Variants in LSM6 observed in about 807,000 individuals in gnomAD.
LSM6 encodes the protein LSM6 homolog, U6 small nuclear RNA and mRNA degradation associated, also known as U6 snRNA-associated Sm-like protein LSm6.
Under a neutral mutation model 13.5 loss-of-function variants are expected in LSM6, and 2 were observed. The ratio of observed to expected loss-of-function variants is 0.15; its 90% CI spans 0.06 to 0.47. LSM6 has a LOEUF of 0.47. LSM6 is among the 20% of genes least tolerant of loss of function. LSM6 has a pLI of 0.97. For synonymous variants in LSM6, 43 were observed against 34.9 expected (o/e 1.23, Z -0.82); for missense variants, 58 against 96.4 (o/e 0.60, Z 1.67).
chr4:146,177,759 AC>A (rs1730142908), intron 1 of LSM6, among the ~76,000 whole-genome samples: 1 of 152,074 alleles, frequency 6.6e-6, no homozygotes, highest in Admixed American at 6.5e-5. Context: ...ATGTTTAGCA[AC>A]ATCCCTGGTC....
At chr4:146,187,865 A>G (rs2110891002) in intron 3 of LSM6, among the ~76,000 whole-genome samples, 1 of 152,356 alleles carries the variant, frequency 6.6e-6, no homozygotes. Flanking sequence ...AAAGTTACTC[A>G]GTTTTTAACA....
chr4:146,184,460 C>T (rs1300624868), intron 2 of LSM6, among the ~76,000 whole-genome samples: 2 of 152,074 alleles, frequency 1.3e-5, no homozygotes, highest in Non-Finnish European at 2.9e-5. Context: ...TGATTATGTA[C>T]TCCTTTAGCT....
At chr4:146,187,111 G>A (rs1053984073) in intron 2 of LSM6, among the ~76,000 whole-genome samples, 163 bp from the exon 3 acceptor site, 1 of 152,230 alleles carries the variant, frequency 6.6e-6, no homozygotes, top group Non-Finnish European at 1.5e-5. Context: ...TTGGCATAGA[G>A]TTGTTTTGTG....
intron 3 of LSM6, among the ~76,000 whole-genome samples, chr4:146,189,021 G>A (rs554319992): frequency 2.2e-5 from 3 of 137,016 alleles, no homozygotes; most frequent in Admixed American, 1.6e-4. Flanking sequence ...ATGAAGTCTC[G>A]CTCTGTGGCC....
Position 146,191,030 on chromosome 4 carries a change from AAGGTGAACAGAAGCATTTCACAG to A in LSM6, c.*1375_*1397del, listed in dbSNP as rs1422798560. On this transcript the variant is annotated 3_prime_UTR_variant, in exon 4 of 4. Coordinates refer to ENST00000296581, the MANE Select transcript of LSM6 (RefSeq NM_007080.3). ...TTATTTTTTAATTAATAACTTGGGA[AAGGTGAACAGAAGCATTTCACAG>A]GGTTTTACCGTGTGCACACTGAAAA... 1 of 152,218 alleles carries A rather than the reference AAGGTGAACAGAAGCATTTCACAG, an allele frequency of 6.6e-6. No homozygotes were observed. Among genetic ancestry groups the A allele is most frequent in the Non-Finnish European group, 1.5e-5 (1 of 68,046 alleles). 9.4% of individuals were successfully genotyped at this position (152,218 alleles called of 1,614,324 possible).
In LSM6 at chr4:146,182,124, G is replaced by A. The variant is rs1730245669; in HGVS notation, c.-10-788G>A. Among the ~76,000 whole-genome samples, 2 of 152,278 alleles carry A rather than the reference G, an allele frequency of 1.3e-5. 1 individual carries two copies. Among genetic ancestry groups the A allele is most frequent in the South Asian group, 4.1e-4 (2 of 4,828 alleles). On this transcript the variant is annotated intron_variant, in intron 1 of 3. Coordinates refer to ENST00000296581, the MANE Select transcript of LSM6 (RefSeq NM_007080.3). ...GGCTGGCTATCCACTTTCTAGCTGT[G>A]TGACCTTGAGCAGAGTGTTTAATCT...
At position 146,187,314 on chromosome 4, in the gene LSM6, G is replaced by A. The variant is rs779369185; in HGVS notation, c.135G>A (p.Leu45=). The change falls in exon 3 of 4, where the codon CTG becomes CTA. Residue 45 remains leucine, a synonymous_variant. Coordinates refer to ENST00000296581, the MANE Select transcript of LSM6 (RefSeq NM_007080.3). ...TGGATGGCTACATGAATATAGCCCT[G>A]GAGCAGACAGAAGAATATGTAAATG... ...ACLDGYMNIA[L]EQTEEYVNGQ... is the part of the protein sequence containing the mutation. The A allele has an allele frequency of 1.2e-6, 2 of 1,613,526 alleles. No homozygotes were observed. The highest frequency in any genetic ancestry group is 2.7e-5 in the African/African-American group (2 of 74,882).
intron 1 of LSM6, among the ~76,000 whole-genome samples, chr4:146,180,345 C>T (rs977068846): frequency 2.0e-5 from 3 of 152,104 alleles, no homozygotes; most frequent in Non-Finnish European, 4.4e-5. Context: ...ACAGGTGCTC[C>T]GTGAAAGTTG....
rs1201993256 is a variant in LSM6 at position 146,190,969 on chromosome 4, G to A, written c.*1313G>A. ...AGAGGTGTATGTAGTGTTTTGTCTT[G>A]GTTTATTTTAAAGATCAGAGAGTAA... On this transcript the variant is annotated 3_prime_UTR_variant, in exon 4 of 4. Coordinates refer to ENST00000296581, the MANE Select transcript of LSM6 (RefSeq NM_007080.3). 6.6e-6 allele frequency: 1 copy of A among 151,898 alleles called. No homozygotes were observed. The highest frequency in any genetic ancestry group is 1.5e-5 in the Non-Finnish European group (1 of 67,954). The allele number at this position is 151,898 out of a possible 1,614,324, so 9.4% of individuals were successfully genotyped here.
At position 146,189,761 on chromosome 4, in the gene LSM6, TTGG is replaced by T; in HGVS notation, c.*108_*110del. 1 of 754,228 alleles carries T rather than the reference TTGG, an allele frequency of 1.3e-6. No individual in the cohort carries two copies. The highest frequency in any genetic ancestry group is 2.2e-6 in the Non-Finnish European group (1 of 448,030). The allele number at this position is 754,228 out of a possible 1,614,324, so 46.7% of individuals were successfully genotyped here. ...ACAATTTGTCCTCTTTTTATAATAG[TTGG>T]TGATTTTTCACTGACATGTGAGTAA... is the stretch of plus-strand genomic sequence containing the variant. On this transcript the variant is annotated 3_prime_UTR_variant, in exon 4 of 4. Transcript: ENST00000296581.
At chr4:146,178,884 A>G (rs1730170784) in intron 1 of LSM6, among the ~76,000 whole-genome samples, 1 of 152,206 alleles carries the variant, frequency 6.6e-6, no homozygotes, top group South Asian at 2.1e-4. Context: ...TGTACCTGTG[A>G]AAGGGCTTGG....
chr4:146,178,551 G>C (rs1730161963), intron 1 of LSM6, among the ~76,000 whole-genome samples: 1 of 152,204 alleles, frequency 6.6e-6, no homozygotes, highest in South Asian at 2.1e-4. Context: ...TACTTGGATT[G>C]TAATGTTTCC....
rs1352527406 is a variant in LSM6 at position 146,190,608 on chromosome 4, C to T, written c.*952C>T. 6.6e-6 allele frequency: 1 copy of T among 152,250 alleles called. No individual in the cohort carries two copies. Among genetic ancestry groups the T allele is most frequent in the Non-Finnish European group, 1.5e-5 (1 of 68,058 alleles). The allele number at this position is 152,250 out of a possible 1,614,324, so 9.4% of individuals were successfully genotyped here. ...TTGACATTGTCCAGGAGCAGAGCAC[C>T]AGGCTTTATGTTGCTTGGCACAAGG... On this transcript the variant is annotated 3_prime_UTR_variant, in exon 4 of 4. Coordinates refer to ENST00000296581, the MANE Select transcript of LSM6 (RefSeq NM_007080.3).
chr4:146,189,764 G>A lies in LSM6; in HGVS notation c.*108G>A. On this transcript the variant is annotated 3_prime_UTR_variant, in exon 4 of 4. Coordinates refer to ENST00000296581, the MANE Select transcript of LSM6 (RefSeq NM_007080.3). Reference sequence around the variant, plus strand: ...ATTTGTCCTCTTTTTATAATAGTTGGTGATTTTTCACTGACATGTGAGTAA... The same window carrying A: ...ATTTGTCCTCTTTTTATAATAGTTGATGATTTTTCACTGACATGTGAGTAA... 1 of 735,394 alleles carries A rather than the reference G, an allele frequency of 1.4e-6. No individual in the cohort carries two copies. Among genetic ancestry groups the A allele is most frequent in the Non-Finnish European group, 2.3e-6 (1 of 433,506 alleles). The allele number at this position is 735,394 out of a possible 1,614,324, so 45.6% of individuals were successfully genotyped here.
intron 1 of LSM6, among the ~76,000 whole-genome samples, chr4:146,182,684 T>A (rs969958096): frequency 2.0e-5 from 3 of 152,248 alleles, no homozygotes; most frequent in African/African-American, 7.2e-5. Context: ...CATGGTGTTG[T>A]GGGTACTGAT....
In LSM6 at chr4:146,190,480, C is replaced by T. The variant is rs1402205849; in HGVS notation, c.*824C>T. The stretch of plus-strand genomic sequence containing the variant: ...AAGCCTAGAGTTTGTAAACATAATT[C>T]AGGTTCTAATTGCCGAGCTGAGATT... On this transcript the variant is annotated 3_prime_UTR_variant, in exon 4 of 4. Transcript: ENST00000296581. 6.6e-6 allele frequency: 1 copy of T among 152,210 alleles called. No homozygotes were observed. 9.4% of individuals were successfully genotyped at this position (152,210 alleles called of 1,614,324 possible).
chr4:146,178,989 TA>T (rs1560710360), intron 1 of LSM6, among the ~76,000 whole-genome samples: 1 of 152,342 alleles, frequency 6.6e-6, no homozygotes, highest in South Asian at 2.1e-4. Flanking sequence ...GTTGGGTTAA[TA>T]AAAGTTCTTT....
At chr4:146,182,798 G>T (rs1250119780) in intron 1 of LSM6, 114 bp from the exon 2 acceptor site, 2 of 649,268 alleles carry the variant, frequency 3.1e-6, no homozygotes, top group Admixed American at 4.7e-5. Context: ...GCGTCTTCTC[G>T]CATGGTCCTT....
In LSM6 at chr4:146,191,291, T is replaced by C. The variant is rs543786314; in HGVS notation, c.*1635T>C. Reference sequence around the variant, plus strand: ...GTTATTGTGTCCCTTCATTCACTTATATCAGCCACCTCTAAAAGCAATTCC... The same window carrying C: ...GTTATTGTGTCCCTTCATTCACTTACATCAGCCACCTCTAAAAGCAATTCC... On this transcript the variant is annotated 3_prime_UTR_variant, in exon 4 of 4. Coordinates refer to ENST00000296581, the MANE Select transcript of LSM6 (RefSeq NM_007080.3). 8.5e-5 allele frequency: 13 copies of C among 152,370 alleles called. No individual in the cohort carries two copies. Among genetic ancestry groups the C allele is most frequent in the African/African-American group, 1.2e-4 (5 of 41,596 alleles). 9.4% of individuals were successfully genotyped at this position (152,370 alleles called of 1,614,324 possible).
Sources: gnomAD v4.1 joint callset for allele counts (sites outside exome capture counted in the v4.1 genomes callset) on GRCh38, gnomAD v4.1.1 for gene constraint, MANE v1.5 for transcripts, NCBI Gene and HGNC (gene_info 2026-07-23, HGNC 2026-07-21) for gene names.